EYS: variants seen among roughly 807,000 people sequenced by gnomAD.
EYS encodes the protein protein eyes shut homolog.
Under a neutral mutation model 282.1 loss-of-function variants are expected in EYS, and 250 were observed. That is an observed-to-expected ratio of 0.89 (90% CI 0.80 to 0.98). EYS has a LOEUF of 0.98. Ranked by LOEUF, EYS falls within the 50% of genes least tolerant of loss-of-function variation. The pLI is 0.00. For missense variants in EYS, 4,016 were observed against 3,709.0 expected (o/e 1.08, Z -2.15); for synonymous variants, 1,355 against 1,282.9 (o/e 1.06, Z -1.20).
chr6:63,721,717 T>C lies in EYS; in HGVS notation c.8314A>G (p.Thr2772Ala). ...CCGTTTATAGTTACTTTTTGGAGAG[T>C]TTCTAGAATGATAGTTCTGTCGCCA... The part of the protein sequence containing the change: ...NLGDRTIILE[T>A]LQKVTINGST... The change falls in exon 43 of 43, where the codon ACT (threonine) becomes GCT (alanine). Residue 2772 changes from threonine (T) to alanine (A), a missense_variant. Transcript: ENST00000503581. The C allele has an allele frequency of 6.4e-7, 1 of 1,551,290 alleles. No individual in the cohort carries two copies. Among genetic ancestry groups the C allele is most frequent in the South Asian group, 1.2e-5 (1 of 84,054 alleles).
intron 8 of EYS, among the ~76,000 whole-genome samples, chr6:65,382,612 A>G (rs1005126189): frequency 6.6e-5 from 10 of 151,862 alleles, no homozygotes; most frequent in African/African-American, 2.4e-4. Context: ...GTATTAACTC[A>G]TACTATCACA....
chr6:63,808,090 G>A (rs890775750), intron 36 of EYS, among the ~76,000 whole-genome samples: 2 of 152,140 alleles, frequency 1.3e-5, no homozygotes, highest in Non-Finnish European at 2.9e-5. Flanking sequence ...TTTACTGTCA[G>A]AACCTGTGCT....
rs193074676 is a variant in EYS at position 64,789,728 on chromosome 6, T to A, written c.3443+23650A>T. Among the ~76,000 whole-genome samples, 554 of 152,204 alleles carry A rather than the reference T, an allele frequency of 3.6e-3. 5 individuals carry two copies. The highest frequency in any genetic ancestry group is 0.012 in the African/African-American group (487 of 41,550). On this transcript the variant is annotated intron_variant, in intron 22 of 42. Coordinates refer to ENST00000503581, the MANE Select transcript of EYS (RefSeq NM_001142800.2). ...CAAGACTGTAAGCCTTTCTTTTTTT[T>A]AAAACTGCAAGCTCTTTAAAGAATC...
intron 22 of EYS, among the ~76,000 whole-genome samples, chr6:64,660,950 A>C (rs1768990393): frequency 6.6e-6 from 1 of 152,224 alleles, no homozygotes; most frequent in Non-Finnish European, 1.5e-5. Flanking sequence ...AGCCAAAAGA[A>C]CAAAGCTGGA....
At chr6:63,763,753 T>C (rs1031385871) in intron 40 of EYS, among the ~76,000 whole-genome samples, 25 of 151,720 alleles carry the variant, frequency 1.6e-4, no homozygotes, top group African/African-American at 6.0e-4. Flanking sequence ...CTTTCCTTTA[T>C]AAATTACCCA....
chr6:65,471,618 C>G (rs2127241008), intron 5 of EYS, among the ~76,000 whole-genome samples: 1 of 152,178 alleles, frequency 6.6e-6, no homozygotes, highest in Admixed American at 6.6e-5. Flanking sequence ...AGAATATGAT[C>G]TCATTACCTC....
intron 13 of EYS, among the ~76,000 whole-genome samples, chr6:65,033,288 G>T (rs1243995076): frequency 1.3e-5 from 2 of 152,194 alleles, no homozygotes; most frequent in Non-Finnish European, 2.9e-5. Context: ...TTTATCAGAA[G>T]AGGAATTCAA....
chr6:64,871,967 A>G lies in EYS; in HGVS notation c.2992+14730T>C, dbSNP rs546415273. 5.3e-5 allele frequency among the ~76,000 whole-genome samples: 8 copies of G among 152,188 alleles called. No homozygotes were observed. The South Asian group carries it at 1.7e-3, about 32-fold the overall frequency. ...GAGCAGAAGGCTGAGAGGTGATTATAAAAGTCTTTATCCAGAAATAGATAA... is the reference window on the plus strand; with the variant it reads ...GAGCAGAAGGCTGAGAGGTGATTATGAAAGTCTTTATCCAGAAATAGATAA... On this transcript the variant is annotated intron_variant, in intron 19 of 42. Transcript: ENST00000503581.
chr6:65,425,565 T>C (rs939519671), intron 5 of EYS, among the ~76,000 whole-genome samples: 9 of 152,154 alleles, frequency 5.9e-5, no homozygotes, highest in Admixed American at 1.3e-4. Flanking sequence ...ATAATATCTA[T>C]GTGTTTTAGA....
chr6:64,052,198 TAG>T (rs1211624381), intron 33 of EYS, among the ~76,000 whole-genome samples: 3 of 152,166 alleles, frequency 2.0e-5, no homozygotes, highest in African/African-American at 7.2e-5. Context: ...GTGGATCAGT[TAG>T]AGTCATCAAA....
chr6:65,119,114 T>C (rs918691568), intron 12 of EYS, among the ~76,000 whole-genome samples: 1 of 152,174 alleles, frequency 6.6e-6, no homozygotes, highest in Admixed American at 6.5e-5. Flanking sequence ...AGTTTTTCTC[T>C]TTTCAATTAT....
chr6:64,732,599 A>G (rs1772011751), intron 22 of EYS, among the ~76,000 whole-genome samples: 1 of 152,222 alleles, frequency 6.6e-6, no homozygotes, highest in Non-Finnish European at 1.5e-5. Flanking sequence ...TTTACTGTAT[A>G]CCTAGTGGCG....
chr6:64,508,551 T>TCTA (rs1777284114), intron 26 of EYS, among the ~76,000 whole-genome samples: 1 of 142,506 alleles, frequency 7.0e-6, no homozygotes, highest in Non-Finnish European at 1.5e-5. Context: ...TTTCTAAGTA[T>TCTA]TTATTATTAT....
At chr6:64,481,495 CA>C (rs924179563) in intron 26 of EYS, among the ~76,000 whole-genome samples, 6 of 145,578 alleles carry the variant, frequency 4.1e-5, no homozygotes, top group Non-Finnish European at 7.6e-5. Flanking sequence ...AAATTCAAAG[CA>C]AAAAAAATTA....
chr6:63,755,326 C>T (rs916904718), intron 41 of EYS, among the ~76,000 whole-genome samples: 8 of 152,144 alleles, frequency 5.3e-5, no homozygotes, highest in African/African-American at 1.9e-4. Context: ...AGAAAGGGAT[C>T]CAGTTTCAGC....
chr6:65,563,481 C>A (rs570929321), intron 2 of EYS, among the ~76,000 whole-genome samples: 1 of 151,842 alleles, frequency 6.6e-6, no homozygotes, highest in South Asian at 2.1e-4. Context: ...TATAGAAAAC[C>A]ATTCAATTTC....
intron 13 of EYS, among the ~76,000 whole-genome samples, chr6:65,021,899 T>C (rs1772263005): frequency 6.6e-6 from 1 of 152,104 alleles, no homozygotes; most frequent in East Asian, 1.9e-4. Flanking sequence ...GAAAGCCCTT[T>C]ATAAAATCAT....
At position 64,296,193 on chromosome 6, in the gene EYS, C is replaced by T. The variant is rs373919138; in HGVS notation, c.6191+10777G>A. 7.9e-5 allele frequency among the ~76,000 whole-genome samples: 12 copies of T among 152,214 alleles called. No individual in the cohort carries two copies. The East Asian group carries it at 1.7e-3, about 22-fold the overall frequency. ...AAATTATTTGAAAAGTCTATTAAAA[C>T]TCTTCTATCTTTTCAAAATATGTAT... is the stretch of plus-strand genomic sequence containing the variant. On this transcript the variant is annotated intron_variant, in intron 30 of 42. Transcript: ENST00000503581.
At chr6:64,584,141 T>G (rs1766156758) in intron 26 of EYS, among the ~76,000 whole-genome samples, 1 of 152,088 alleles carries the variant, frequency 6.6e-6, no homozygotes, top group Admixed American at 6.6e-5. Flanking sequence ...AAACACATAT[T>G]TGCAAAAACA....
Sources: gnomAD v4.1 joint callset for allele counts (sites outside exome capture counted in the v4.1 genomes callset) on GRCh38, gnomAD v4.1.1 for gene constraint, MANE v1.5 for transcripts, NCBI Gene and HGNC (gene_info 2026-07-23, HGNC 2026-07-21) for gene names.